DLGAP2: variants seen among roughly 807,000 people sequenced by gnomAD.
DLGAP2 encodes the protein DLG associated protein 2, also known as disks large-associated protein 2.
In DLGAP2, 26 loss-of-function variants were observed where a neutral mutation model predicts 100.3. The ratio of observed to expected loss-of-function variants is 0.26; its 90% CI spans 0.19 to 0.36. The LOEUF (loss-of-function observed/expected upper bound fraction) is 0.36. Among genes scored for constraint, DLGAP2 ranks in the 10% least tolerant of loss-of-function variants. The pLI is 1.00. For missense variants in DLGAP2, 1,858 were observed against 1,453.2 expected, an observed-to-expected ratio of 1.28 and a Z score of -4.53; for synonymous variants, 886 against 630.1, an observed-to-expected ratio of 1.41 and a Z score of -6.08.
At chr8:968,746 C>T (rs985670153) in intron 2 of DLGAP2, among the ~76,000 whole-genome samples, 5 of 152,144 alleles carry the variant, frequency 3.3e-5, no homozygotes, top group African/African-American at 4.8e-5. Flanking sequence ...AGGCTTTCAG[C>T]AGCATGGTAT....
chr8:1,234,515 C>T (rs763290091), intron 2 of DLGAP2, among the ~76,000 whole-genome samples: 1 of 152,172 alleles, frequency 6.6e-6, no homozygotes, highest in Non-Finnish European at 1.5e-5. Flanking sequence ...CTCTCCTTAA[C>T]CATTTACAGC....
At chr8:932,175 C>T (rs1798974354) in intron 2 of DLGAP2, among the ~76,000 whole-genome samples, 1 of 152,210 alleles carries the variant, frequency 6.6e-6, no homozygotes, top group Non-Finnish European at 1.5e-5. Flanking sequence ...CCTTTTCCCT[C>T]TCACCTTTGG....
At chr8:1,444,351 A>T (rs989273733) in intron 3 of DLGAP2, among the ~76,000 whole-genome samples, 1 of 152,208 alleles carries the variant, frequency 6.6e-6, no homozygotes, top group Non-Finnish European at 1.5e-5. Context: ...ACTGTTAACA[A>T]CACTACCAAA....
At chr8:747,701 GT>G (rs1820662261) in intron 1 of DLGAP2, among the ~76,000 whole-genome samples, 5 of 103,936 alleles carry the variant, frequency 4.8e-5, no homozygotes, top group Admixed American at 1.0e-4. Flanking sequence ...GGATGGGCGG[GT>G]CTGTGGTGGA....
At chr8:1,623,505 GTGATGA>G (rs1797405247) in intron 6 of DLGAP2, among the ~76,000 whole-genome samples, 1 of 150,642 alleles carries the variant, frequency 6.6e-6, no homozygotes, top group African/African-American at 2.5e-5. Flanking sequence ...GCACCAGTGC[GTGATGA>G]CCTGACACCA....
rs1252150293 is a variant in DLGAP2 at position 1,459,106 on chromosome 8, G to A, written c.107-42260G>A. ...GCGTGCGTCCCAGACAGGAGTGACA[G>A]CCAGCTGGTTTACATGCGTAGACGC... On this transcript the variant is annotated intron_variant, in intron 3 of 14. Coordinates refer to ENST00000637795, the MANE Select transcript of DLGAP2 (RefSeq NM_001346810.2). Among the ~76,000 whole-genome samples the A allele has an allele frequency of 7.1e-3, 951 of 134,874 alleles. 5 individuals carry two copies. Among genetic ancestry groups the A allele is most frequent in the Non-Finnish European group, 0.012 (706 of 58,324 alleles). The allele number at this position is 134,874 out of a possible 152,430, so 88.5% of individuals were successfully genotyped here.
intron 3 of DLGAP2, among the ~76,000 whole-genome samples, chr8:1,487,814 A>T (rs1799268468): frequency 6.6e-6 from 1 of 152,138 alleles, no homozygotes; most frequent in African/African-American, 2.4e-5. Flanking sequence ...GTAGTCGGTG[A>T]AGCTTCACGT....
At chr8:770,053 A>C (rs149863550) in intron 1 of DLGAP2, among the ~76,000 whole-genome samples, 79 of 152,320 alleles carry the variant, frequency 5.2e-4, no homozygotes, top group African/African-American at 1.7e-3. Flanking sequence ...ACTTACATGC[A>C]TGCATCGTTT....
intron 2 of DLGAP2, among the ~76,000 whole-genome samples, chr8:1,197,486 A>T (rs1013035793): frequency 9.2e-5 from 14 of 152,234 alleles, no homozygotes; most frequent in Non-Finnish European, 1.5e-5. Context: ...ATGTTCCATA[A>T]AGCTAAGCCA....
At chr8:1,003,658 T>A (rs531199004) in intron 2 of DLGAP2, among the ~76,000 whole-genome samples, 3 of 152,174 alleles carry the variant, frequency 2.0e-5, no homozygotes, top group Non-Finnish European at 4.4e-5. Flanking sequence ...ATCTGGAGAT[T>A]TGACTGGGCA....
chr8:1,549,807 G>C (rs1313966748), intron 5 of DLGAP2, 124 bp downstream of exon 5: 6 of 1,088,070 alleles, frequency 5.5e-6, no homozygotes, highest in Non-Finnish European at 7.7e-6. Flanking sequence ...GATGTTCTGA[G>C]CTACGGATAT....
chr8:1,306,481 C>A (rs1288099138), intron 3 of DLGAP2, among the ~76,000 whole-genome samples: 1 of 152,090 alleles, frequency 6.6e-6, no homozygotes, highest in Non-Finnish European at 1.5e-5. Flanking sequence ...GATTGAAAGG[C>A]TTACTGTTGT....
At chr8:1,009,644 C>G (rs1801218975) in intron 2 of DLGAP2, among the ~76,000 whole-genome samples, 1 of 152,304 alleles carries the variant, frequency 6.6e-6, no homozygotes, top group East Asian at 1.9e-4. Context: ...CCTGGACTGA[C>G]TTAGCTCAAT....
intron 2 of DLGAP2, among the ~76,000 whole-genome samples, chr8:1,011,603 T>G (rs144321906): frequency 0.044 from 2,117 of 48,616 alleles, no homozygotes; most frequent in Middle Eastern, 0.091. Flanking sequence ...CTGGACGAGG[T>G]TCCTCAGTCT....
chr8:883,850 C>G (rs929990974), intron 1 of DLGAP2, among the ~76,000 whole-genome samples: 5 of 152,202 alleles, frequency 3.3e-5, no homozygotes, highest in Non-Finnish European at 5.9e-5. Flanking sequence ...TCATTGTGTT[C>G]TCATTGTTCA....
chr8:1,043,204 C>T (rs111161375), intron 2 of DLGAP2, among the ~76,000 whole-genome samples: 21,385 of 45,786 alleles, frequency 0.47, 3,969 homozygotes, highest in Admixed American at 0.55. Flanking sequence ...GTGGTGGATG[C>T]GGGTGGTGGG....
intron 2 of DLGAP2, among the ~76,000 whole-genome samples, chr8:940,461 A>T (rs892710421): frequency 2.0e-5 from 3 of 151,906 alleles, no homozygotes; most frequent in Non-Finnish European, 4.4e-5. Flanking sequence ...CTTAGCCGGG[A>T]TTCTTCATCT....
At chr8:876,446 G>C (rs1007762729) in intron 1 of DLGAP2, among the ~76,000 whole-genome samples, 1 of 152,268 alleles carries the variant, frequency 6.6e-6, no homozygotes, top group East Asian at 1.9e-4. Context: ...AATACTTTCA[G>C]TATGTTATAC....
chr8:1,602,282 A>G (rs1284894679), intron 6 of DLGAP2, among the ~76,000 whole-genome samples: 1 of 152,214 alleles, frequency 6.6e-6, no homozygotes, highest in African/African-American at 2.4e-5. Context: ...ATTCTAGTAG[A>G]AAGTGTAAGA....
Sources: allele counts gnomAD v4.1 joint callset (sites outside exome capture counted in the v4.1 genomes callset), GRCh38; gene constraint gnomAD v4.1.1; transcripts MANE v1.5; gene names NCBI Gene and HGNC (gene_info 2026-07-23, HGNC 2026-07-21).